ZSWIM5: variants seen among roughly 807,000 people sequenced by gnomAD.
ZSWIM5 encodes zinc finger SWIM domain-containing protein 5.
Under a neutral mutation model 119.6 loss-of-function variants are expected in ZSWIM5, and 55 were observed. The observed-to-expected ratio is 0.46, with a 90% CI of 0.37 to 0.58. The LOEUF is 0.58. Among genes scored for constraint, ZSWIM5 ranks in the 20% least tolerant of loss-of-function variants. The pLI is 0.00. For missense variants in ZSWIM5, 1,193 were observed against 1,512.8 expected (o/e 0.79, Z 3.51); for synonymous variants, 537 against 606.9 (o/e 0.88, Z 1.69).
chr1:45,093,992 A>G (rs1479578513), intron 1 of ZSWIM5, among the ~76,000 whole-genome samples: 1 of 151,106 alleles, frequency 6.6e-6, no homozygotes, highest in Non-Finnish European at 1.5e-5. Context: ...CTACAGGTGC[A>G]TGCCACTATG....
At chr1:45,188,170 A>G (rs1206221568) in intron 1 of ZSWIM5, among the ~76,000 whole-genome samples, 1 of 152,220 alleles carries the variant, frequency 6.6e-6, no homozygotes, top group African/African-American at 2.4e-5. Flanking sequence ...CATTATTCAC[A>G]ATAACCAAAA....
chr1:45,091,692 A>G (rs541208290), intron 1 of ZSWIM5, among the ~76,000 whole-genome samples: 1 of 152,120 alleles, frequency 6.6e-6, no homozygotes, highest in East Asian at 1.9e-4. Context: ...AAAAACAACC[A>G]ACCAACCAAA....
At chr1:45,186,699 G>A (rs55884892) in intron 1 of ZSWIM5, among the ~76,000 whole-genome samples, 9,530 of 152,002 alleles carry the variant, frequency 0.063, 350 homozygotes, top group East Asian at 0.11. Context: ...TCTGCCTCCC[G>A]GGTGCTTCTG....
chr1:45,098,086 G>C (rs1230239054), intron 1 of ZSWIM5, among the ~76,000 whole-genome samples: 2 of 152,144 alleles, frequency 1.3e-5, no homozygotes, highest in African/African-American at 2.4e-5. Flanking sequence ...CCAGGCAAGA[G>C]AGAGACAGAC....
At chr1:45,030,798 CT>C (rs56045429) in intron 11 of ZSWIM5, among the ~76,000 whole-genome samples, 22 of 133,064 alleles carry the variant, frequency 1.7e-4, no homozygotes, top group Admixed American at 2.4e-4. Flanking sequence ...TTCATTCTTT[CT>C]TTTTTTTTTT....
At chr1:45,194,746 G>A (rs976986439) in intron 1 of ZSWIM5, among the ~76,000 whole-genome samples, 3 of 151,808 alleles carry the variant, frequency 2.0e-5, no homozygotes, top group Non-Finnish European at 4.4e-5. Context: ...GCGTGGTGGC[G>A]GGCATCTGTA....
At chr1:45,147,634 G>A (rs2149036665) in intron 1 of ZSWIM5, among the ~76,000 whole-genome samples, 1 of 145,484 alleles carries the variant, frequency 6.9e-6, no homozygotes, top group African/African-American at 2.5e-5. Flanking sequence ...TATATAATAT[G>A]GAAAGGAAAA....
intron 1 of ZSWIM5, among the ~76,000 whole-genome samples, chr1:45,095,286 T>C (rs765755343): frequency 2.6e-5 from 4 of 151,892 alleles, no homozygotes; most frequent in Non-Finnish European, 4.4e-5. Context: ...TGCTACCATC[T>C]CTAATTTTTT....
intron 2 of ZSWIM5, among the ~76,000 whole-genome samples, chr1:45,080,637 G>A (rs1342230336): frequency 2.6e-5 from 4 of 152,110 alleles, no homozygotes; most frequent in African/African-American, 9.7e-5. Context: ...TACTTTTTTT[G>A]TGTGTAGATG....
intron 1 of ZSWIM5, among the ~76,000 whole-genome samples, chr1:45,116,775 A>G (rs537825219): frequency 1.3e-5 from 2 of 152,302 alleles, no homozygotes; most frequent in African/African-American, 4.8e-5. Flanking sequence ...ATTATTCAGT[A>G]TGGTCAGCAA....
At chr1:45,032,033 T>C (rs971180584) in intron 11 of ZSWIM5, among the ~76,000 whole-genome samples, 1 of 152,186 alleles carries the variant, frequency 6.6e-6, no homozygotes, top group Non-Finnish European at 1.5e-5. Context: ...TATACACGTA[T>C]GTGGTTTAAT....
At chr1:45,149,011 G>T (rs1645779067) in intron 1 of ZSWIM5, among the ~76,000 whole-genome samples, 1 of 152,174 alleles carries the variant, frequency 6.6e-6, no homozygotes, top group Non-Finnish European at 1.5e-5. Flanking sequence ...CCCATGCCTT[G>T]TAAGCCCAGC....
At chr1:45,106,790 AAAAG>A (rs990934859) in intron 1 of ZSWIM5, among the ~76,000 whole-genome samples, 29 of 152,224 alleles carry the variant, frequency 1.9e-4, no homozygotes, top group African/African-American at 6.7e-4. Flanking sequence ...AAATGTGGGG[AAAAG>A]AAAGAGAGAT....
At position 45,019,121 on chromosome 1, in the gene ZSWIM5, C is replaced by G. The variant is rs1054828671; in HGVS notation, c.2891G>C (p.Ser964Thr). ...ALQCAMKDPQ[S>T]CALSALTLCE... ...GAGTGTAAGGGCTGACAGGGCACAG[C>G]TCTGTGGATCCTTCATAGCACACTG... The change falls in exon 14 of 14, where the codon AGC becomes ACC. Residue 964 changes from serine (S) to threonine (T), a missense_variant. By Grantham distance (58) the Ser-to-Thr change is moderately conservative. This residue lies in a region of ZSWIM5 where 961 missense variants were observed against 1,290.0 expected (regional missense o/e 0.74). Coordinates refer to ENST00000359600, the MANE Select transcript of ZSWIM5 (RefSeq NM_020883.2). This position sits in a 1 kb window ranked among gnomAD's most constrained non-coding sequence, Gnocchi z 5.0. 1.2e-6 allele frequency: 2 copies of G among 1,614,032 alleles called. No homozygotes were observed. The highest frequency in any genetic ancestry group is 1.7e-6 in the Non-Finnish European group (2 of 1,180,044).
chr1:45,150,632 C>T (rs1053739127), intron 1 of ZSWIM5, among the ~76,000 whole-genome samples: 1 of 152,172 alleles, frequency 6.6e-6, no homozygotes, highest in Non-Finnish European at 1.5e-5. Flanking sequence ...TGCAATTATT[C>T]TTTCCTTCTG....
chr1:45,112,612 A>G (rs1237732913), intron 1 of ZSWIM5, among the ~76,000 whole-genome samples: 1 of 152,214 alleles, frequency 6.6e-6, no homozygotes, highest in Non-Finnish European at 1.5e-5. Flanking sequence ...GAACTGGAAG[A>G]CTTATAAATA....
chr1:45,197,300 C>G (rs1311527003), intron 1 of ZSWIM5, among the ~76,000 whole-genome samples: 1 of 152,212 alleles, frequency 6.6e-6, no homozygotes, highest in East Asian at 1.9e-4. Context: ...CTTTTATTCA[C>G]AAACTCCATT....
chr1:45,073,304 C>T (rs1410882756), intron 2 of ZSWIM5, among the ~76,000 whole-genome samples: 1 of 117,514 alleles, frequency 8.5e-6, no homozygotes, highest in Non-Finnish European at 1.6e-5. Context: ...GTTGCCCTGG[C>T]TGGAGTTGCA....
At chr1:45,150,165 A>C (rs141826280) in intron 1 of ZSWIM5, among the ~76,000 whole-genome samples, 6 of 140,208 alleles carry the variant, frequency 4.3e-5, no homozygotes, top group Non-Finnish European at 9.3e-5. Flanking sequence ...GTGAGACTCT[A>C]TCTCTTAAAA....
Sources: allele counts gnomAD v4.1 joint callset (sites outside exome capture counted in the v4.1 genomes callset), GRCh38; gene constraint gnomAD v4.1.1; regional missense constraint gnomAD v4.1.1; non-coding constraint Gnocchi (gnomAD v3.1); transcripts MANE v1.5; gene names NCBI Gene and HGNC (gene_info 2026-07-23, HGNC 2026-07-21).